The following PCDH7 variants were observed in gnomAD, a reference collection of about 807,000 sequenced individuals.
PCDH7 encodes the protein protocadherin 7.
Under a neutral mutation model 58.9 loss-of-function variants are expected in PCDH7, and 17 were observed. The ratio of observed to expected loss-of-function variants is 0.29; its 90% CI spans 0.20 to 0.43. PCDH7 has a LOEUF of 0.43. PCDH7 is among the 20% of genes least tolerant of loss of function. PCDH7 has a pLI of 1.00. For missense variants in PCDH7, 1,274 were observed against 1,441.0 expected (o/e 0.88, Z 1.88); for synonymous variants, 664 against 616.4 (o/e 1.08, Z -1.14).
At chr4:31,115,379 T>C (rs906876996) in intron 3 of PCDH7, among the ~76,000 whole-genome samples, 62 of 152,190 alleles carry the variant, frequency 4.1e-4, no homozygotes, top group Non-Finnish European at 1.2e-4. Context: ...GATATTCAAC[T>C]GAGGAAGAAA....
At chr4:31,124,122 G>C (rs543274820) in intron 3 of PCDH7, among the ~76,000 whole-genome samples, 30 of 152,232 alleles carry the variant, frequency 2.0e-4, no homozygotes, top group African/African-American at 7.0e-4. Flanking sequence ...AGGAATACAG[G>C]TTCTCATTAG....
At position 30,723,027 on chromosome 4, in the gene PCDH7, C is replaced by T. The variant is rs1560296490; in HGVS notation, c.1605C>T (p.Phe535=). The T allele has an allele frequency of 1.2e-6, 2 of 1,613,892 alleles. No individual in the cohort carries two copies. The highest frequency in any genetic ancestry group is 1.7e-6 in the Non-Finnish European group (2 of 1,180,038). ...ACACCAACGACAACCCGCCCATGTT[C>T]GGCCAGTCGGTGGTGGAGGTTTACT... is the stretch of plus-strand genomic sequence containing the variant. Residue 535 remains phenylalanine, a synonymous_variant, in exon 1 of 2, where the codon TTC becomes TTT. Transcript: ENST00000361762. This position sits in a 1 kb window ranked among gnomAD's most constrained non-coding sequence, Gnocchi z 4.6.
At chr4:30,867,064 A>G (rs778731564) in intron 1 of PCDH7, among the ~76,000 whole-genome samples, 1 of 152,060 alleles carries the variant, frequency 6.6e-6, no homozygotes, top group Non-Finnish European at 1.5e-5. Flanking sequence ...GCTACCATCT[A>G]GATGGAATTA....
chr4:31,114,899 G>A (rs1716808081), intron 3 of PCDH7, among the ~76,000 whole-genome samples: 1 of 152,158 alleles, frequency 6.6e-6, no homozygotes. Flanking sequence ...AAAGCTATCT[G>A]TGATAGCAGA....
chr4:30,924,947 G>T (rs12650559), intron 2 of PCDH7, among the ~76,000 whole-genome samples: 29,775 of 151,102 alleles, frequency 0.2, 3,664 homozygotes, highest in East Asian at 0.29. Context: ...GTTAAATGAG[G>T]TTCGAAATTT....
At chr4:31,035,244 TC>T (rs1348471591) in intron 3 of PCDH7, among the ~76,000 whole-genome samples, 4 of 147,838 alleles carry the variant, frequency 2.7e-5, no homozygotes, top group Non-Finnish European at 3.0e-5. Context: ...TTTCCTTTTT[TC>T]CCTTTTTTTT....
intron 3 of PCDH7, among the ~76,000 whole-genome samples, chr4:31,132,534 G>A (rs1164702490): frequency 1.3e-5 from 2 of 151,980 alleles, no homozygotes; most frequent in Non-Finnish European, 2.9e-5. Context: ...TGAGTAAAAA[G>A]ATCATACTGC....
chr4:30,723,429 G>A lies in PCDH7; in HGVS notation c.2007G>A (p.Gly669=). ...TCACCGTGATGGATGCTGACAAGGGGCGGAATGCAGAGATGAGCCTGTACA... is the reference window on the plus strand; with the variant it reads ...TCACCGTGATGGATGCTGACAAGGGACGGAATGCAGAGATGAGCCTGTACA... The change falls in exon 1 of 2, where the codon GGG becomes GGA. Residue 669 remains glycine, a synonymous_variant. Coordinates refer to ENST00000361762, the Ensembl canonical transcript of PCDH7. This position sits in a 1 kb window ranked among gnomAD's most constrained non-coding sequence, Gnocchi z 4.6. 3.1e-6 allele frequency: 5 copies of A among 1,614,238 alleles called. No individual in the cohort carries two copies. The highest frequency in any genetic ancestry group is 1.1e-5 in the South Asian group (1 of 91,090).
chr4:31,142,542 C>T (rs531217608), exon 4 of PCDH7: 2 of 1,367,756 alleles, frequency 1.5e-6, no homozygotes, highest in East Asian at 4.6e-5. Flanking sequence ...TATGGCCACT[C>T]AGACTCCTGC....
At chr4:30,902,829 T>C (rs369399553) in intron 1 of PCDH7, among the ~76,000 whole-genome samples, 26 of 152,288 alleles carry the variant, frequency 1.7e-4, no homozygotes, top group African/African-American at 5.8e-4. Flanking sequence ...TAATAAAATA[T>C]GATTGTTCTA....
downstream of PCDH7, chr4:31,143,440 T>C (rs1484455962): frequency 2.6e-5 from 4 of 152,210 alleles, no homozygotes; most frequent in African/African-American, 9.7e-5. Flanking sequence ...ATCAAAGCTT[T>C]AATATTCCAA....
chr4:30,849,997 G>A (rs1046890198), intron 1 of PCDH7, among the ~76,000 whole-genome samples: 5 of 152,070 alleles, frequency 3.3e-5, no homozygotes, highest in Non-Finnish European at 7.4e-5. Context: ...TTCTGCAAAA[G>A]AACCAGTCTG....
chr4:31,051,835 G>GGC (rs1213734763), intron 3 of PCDH7, among the ~76,000 whole-genome samples: 2 of 146,330 alleles, frequency 1.4e-5, no homozygotes, highest in East Asian at 2.1e-4. Flanking sequence ...GGTGTGTGTG[G>GGC]GGGGCGGGTA....
At chr4:31,092,807 TG>T (rs1560217147) in intron 3 of PCDH7, among the ~76,000 whole-genome samples, 1 of 152,084 alleles carries the variant, frequency 6.6e-6, no homozygotes, top group East Asian at 1.9e-4. Context: ...GCACTGATAA[TG>T]TTTCAAAGCA....
At position 30,953,510 on chromosome 4, in the gene PCDH7, A is replaced by G. The variant is rs1304323883; in HGVS notation, c.*7+3295A>G. ...AATTCAGCATGGGCTTCCACAGTTTATGTTCTTATATTTAGTCAGCTTGAA... is the reference window on the plus strand; with the variant it reads ...AATTCAGCATGGGCTTCCACAGTTTGTGTTCTTATATTTAGTCAGCTTGAA... On this transcript the variant is annotated intron_variant, in intron 3 of 3. Transcript: ENST00000509759. Among the ~76,000 whole-genome samples the G allele has an allele frequency of 2.0e-5, 3 of 151,766 alleles. 1 individual carries two copies. Among genetic ancestry groups the G allele is most frequent in the South Asian group, 4.2e-4 (2 of 4,818 alleles).
At chr4:30,817,674 T>A (rs1039370998) in intron 1 of PCDH7, among the ~76,000 whole-genome samples, 3 of 152,076 alleles carry the variant, frequency 2.0e-5, no homozygotes, top group Admixed American at 6.6e-5. Flanking sequence ...ATGGTGGATT[T>A]TTTTTTTTAG....
chr4:30,944,533 A>C (rs1031218954), intron 2 of PCDH7, among the ~76,000 whole-genome samples: 3 of 152,156 alleles, frequency 2.0e-5, no homozygotes, highest in Non-Finnish European at 4.4e-5. Flanking sequence ...CCACTGACTA[A>C]ATTAACCTCT....
At chr4:30,996,802 T>A (rs1014675195) in intron 3 of PCDH7, among the ~76,000 whole-genome samples, 1 of 152,176 alleles carries the variant, frequency 6.6e-6, no homozygotes, top group Non-Finnish European at 1.5e-5. Context: ...GCCATTGAGT[T>A]TTTTCTTTTA....
intron 2 of PCDH7, among the ~76,000 whole-genome samples, chr4:30,926,443 C>G (rs1743884339): frequency 1.3e-5 from 2 of 152,150 alleles, no homozygotes; most frequent in African/African-American, 4.8e-5. Context: ...CTCAGCCTCC[C>G]AAAGTGCTGG....
Sources: gnomAD v4.1 joint callset for allele counts (sites outside exome capture counted in the v4.1 genomes callset) on GRCh38, gnomAD v4.1.1 for gene constraint, Gnocchi (gnomAD v3.1) non-coding constraint, MANE v1.5 for transcripts, NCBI Gene and HGNC (gene_info 2026-07-23, HGNC 2026-07-21) for gene names.